Variants in MGAT4C observed in about 807,000 individuals in gnomAD.
The protein encoded by MGAT4C is MGAT4 family member C, also known as alpha-1,3-mannosyl-glycoprotein 4-beta-N-acetylglucosaminyltransferase C.
Under a neutral mutation model 40.1 loss-of-function variants are expected in MGAT4C, and 19 were observed. The observed-to-expected ratio is 0.47, with a 90% CI of 0.33 to 0.70. MGAT4C has a LOEUF of 0.70. Among genes scored for constraint, MGAT4C ranks in the 30% least tolerant of loss-of-function variants. The probability of loss-of-function intolerance (pLI) is 0.02; values close to 1 mark genes in which losing one functional copy is unlikely to be tolerated. For missense variants in MGAT4C, 491 were observed against 563.2 expected (o/e 0.87, Z 1.30); for synonymous variants, 181 against 187.1 (o/e 0.97, Z 0.27).
intron 1 of MGAT4C, among the ~76,000 whole-genome samples, chr12:86,183,557 C>T (rs1005269181): frequency 1.3e-5 from 2 of 152,100 alleles, no homozygotes; most frequent in Non-Finnish European, 2.9e-5. Context: ...TTGTTTTAAT[C>T]AGCTCAGGCT....
rs945318463 is a variant in MGAT4C at position 85,962,520 on chromosome 12, G to A, written c.*16769C>T. On this transcript the variant is annotated 3_prime_UTR_variant, in exon 5 of 5. Coordinates refer to ENST00000611864, the MANE Select transcript of MGAT4C (RefSeq NM_001351288.2). The stretch of plus-strand genomic sequence containing the variant: ...CACAACAATTCAACATGATATGTAT[G>A]GTTATTACTAAATGTATAATACATT... 9 of 149,264 alleles carry A rather than the reference G, an allele frequency of 6.0e-5. No homozygotes were observed. Among genetic ancestry groups the A allele is most frequent in the African/African-American group, 2.2e-4 (9 of 40,934 alleles). The allele number at this position is 149,264 out of a possible 1,614,324, so 9.2% of individuals were successfully genotyped here.
intron 4 of MGAT4C, among the ~76,000 whole-genome samples, chr12:86,330,100 A>G (rs11103931): frequency 6.6e-6 from 1 of 152,190 alleles, no homozygotes; most frequent in Non-Finnish European, 1.5e-5. Flanking sequence ...AATTAAGAAA[A>G]CCATAGAAGC....
upstream of MGAT4C, among the ~76,000 whole-genome samples, chr12:86,259,682 G>A (rs913436044): frequency 5.4e-4 from 43 of 79,238 alleles, no homozygotes; most frequent in African/African-American, 2.2e-3. Flanking sequence ...TGAGTTCAGA[G>A]AATATAAAAT....
chr12:86,491,495 G>C (rs1202006095), intron 2 of MGAT4C, among the ~76,000 whole-genome samples: 1 of 151,706 alleles, frequency 6.6e-6, no homozygotes, highest in Non-Finnish European at 1.5e-5. Flanking sequence ...TTCAATATAC[G>C]CAAATCAATA....
At chr12:86,390,449 AAAAT>A (rs1215589448) in intron 3 of MGAT4C, among the ~76,000 whole-genome samples, 1 of 152,328 alleles carries the variant, frequency 6.6e-6, no homozygotes, top group East Asian at 1.9e-4. Context: ...ATATTTATGG[AAAAT>A]AAATAAGTCA....
chr12:86,442,500 C>A (rs899630863), intron 2 of MGAT4C, among the ~76,000 whole-genome samples: 2 of 151,916 alleles, frequency 1.3e-5, no homozygotes, highest in African/African-American at 4.8e-5. Flanking sequence ...AGTGTTTAAT[C>A]CATCTTGAAT....
intron 2 of MGAT4C, among the ~76,000 whole-genome samples, chr12:86,625,203 G>T (rs1962765920): frequency 6.6e-6 from 1 of 152,068 alleles, no homozygotes; most frequent in Non-Finnish European, 1.5e-5. Flanking sequence ...TGAAGAAGGT[G>T]CCTGGTTCCT....
intron 3 of MGAT4C, among the ~76,000 whole-genome samples, chr12:86,378,716 A>G (rs1344575495): frequency 1.3e-5 from 2 of 152,188 alleles, no homozygotes; most frequent in Non-Finnish European, 1.5e-5. Context: ...TGTGAAGTAT[A>G]AGATTAGCAA....
At chr12:85,986,790 A>T (rs988568981) in intron 3 of MGAT4C, among the ~76,000 whole-genome samples, 13 of 152,184 alleles carry the variant, frequency 8.5e-5, no homozygotes, top group Admixed American at 3.3e-4. Context: ...AGAAATAAAC[A>T]CAGGTAAAAA....
chr12:86,005,219 A>G (rs575301249), intron 2 of MGAT4C, among the ~76,000 whole-genome samples: 1 of 152,332 alleles, frequency 6.6e-6, no homozygotes, highest in Admixed American at 6.5e-5. Flanking sequence ...TTGCTTACTC[A>G]GTAACATTTA....
At chr12:86,590,751 T>C (rs746151130) in intron 2 of MGAT4C, among the ~76,000 whole-genome samples, 1 of 151,964 alleles carries the variant, frequency 6.6e-6, no homozygotes, top group Non-Finnish European at 1.5e-5. Flanking sequence ...TTAACCTAGA[T>C]TGAATTCAGT....
chr12:86,643,755 G>T (rs1296132984), intron 2 of MGAT4C, among the ~76,000 whole-genome samples: 1 of 151,754 alleles, frequency 6.6e-6, no homozygotes, highest in Non-Finnish European at 1.5e-5. Context: ...TGGAATTAGA[G>T]TGATTATTGT....
intron 1 of MGAT4C, among the ~76,000 whole-genome samples, chr12:86,232,068 G>C (rs1171556104): frequency 6.6e-6 from 1 of 151,748 alleles, no homozygotes; most frequent in East Asian, 1.9e-4. Flanking sequence ...CTTGAACCCG[G>C]GAGGCCGAGT....
chr12:86,181,753 C>G (rs1183321585), intron 1 of MGAT4C, among the ~76,000 whole-genome samples: 1 of 151,978 alleles, frequency 6.6e-6, no homozygotes, highest in Non-Finnish European at 1.5e-5. Flanking sequence ...AAATTTTGCT[C>G]ATGTTTTTCG....
chr12:86,289,180 C>T (rs955623596), intron 4 of MGAT4C, among the ~76,000 whole-genome samples: 31 of 152,046 alleles, frequency 2.0e-4, no homozygotes, highest in African/African-American at 7.5e-4. Context: ...TCTCCATTTC[C>T]TGTTTTTGTC....
At chr12:86,619,442 C>T (rs1371655890) in intron 2 of MGAT4C, among the ~76,000 whole-genome samples, 1 of 152,056 alleles carries the variant, frequency 6.6e-6, no homozygotes, top group East Asian at 1.9e-4. Flanking sequence ...ACTTGCACCT[C>T]CACATAATTC....
chr12:86,447,677 T>C (rs1471852851), intron 2 of MGAT4C, among the ~76,000 whole-genome samples: 1 of 152,156 alleles, frequency 6.6e-6, no homozygotes, highest in Non-Finnish European at 1.5e-5. Flanking sequence ...GGTGAATGAG[T>C]ATTCCAAAAT....
At chr12:86,653,179 T>C (rs142632112) in intron 2 of MGAT4C, among the ~76,000 whole-genome samples, 14 of 152,080 alleles carry the variant, frequency 9.2e-5, no homozygotes, top group East Asian at 7.8e-4. Context: ...ATTTGTATCA[T>C]TGAGTTTTCA....
intron 1 of MGAT4C, among the ~76,000 whole-genome samples, chr12:86,171,373 A>T (rs551923942): frequency 2.6e-5 from 4 of 152,290 alleles, no homozygotes; most frequent in African/African-American, 9.6e-5. Flanking sequence ...CCATCTCAAA[A>T]AAATAAATAA....
Sources: gnomAD v4.1 joint callset for allele counts (sites outside exome capture counted in the v4.1 genomes callset) on GRCh38, gnomAD v4.1.1 for gene constraint, MANE v1.5 for transcripts, NCBI Gene and HGNC (gene_info 2026-07-23, HGNC 2026-07-21) for gene names.